STIM2: variants seen among roughly 807,000 people sequenced by gnomAD.
STIM2 encodes the protein stromal interaction molecule 2.
In STIM2, 31 loss-of-function variants were observed where a neutral mutation model predicts 85.8. That is an observed-to-expected ratio of 0.36 (90% CI 0.27 to 0.49). The LOEUF is 0.49. STIM2 is among the 20% of genes least tolerant of loss of function. The pLI is 0.98. For missense variants in STIM2, 841 were observed against 927.6 expected (o/e 0.91, Z 1.21); for synonymous variants, 356 against 331.1 (o/e 1.08, Z -0.82).
intron 11 of STIM2, among the ~76,000 whole-genome samples, chr4:27,022,017 C>T (rs1346338087): frequency 6.6e-6 from 1 of 152,064 alleles, no homozygotes; most frequent in African/African-American, 2.4e-5. Context: ...TTCCCTGCCC[C>T]CCTTTTAAAT....
At position 26,957,746 on chromosome 4, in the gene STIM2, C is replaced by A; in HGVS notation, c.397+20C>A. On this transcript the variant is annotated intron_variant, in intron 3 of 11. Transcript: ENST00000467087. ...CAGAAGGTAAGACTGCCTTTGTGATCTGGCCCCCTCCCCTTCTGCACATCT... is the reference window on the plus strand; with the variant it reads ...CAGAAGGTAAGACTGCCTTTGTGATATGGCCCCCTCCCCTTCTGCACATCT... 6.8e-7 allele frequency: 1 copy of A among 1,479,786 alleles called. No homozygotes were observed. The highest frequency in any genetic ancestry group is 1.2e-5 in the South Asian group (1 of 83,388). The allele number at this position is 1,479,786 out of a possible 1,614,324, so 91.7% of individuals were successfully genotyped here.
chr4:26,965,800 G>T (rs2109100084), intron 3 of STIM2, among the ~76,000 whole-genome samples: 1 of 152,142 alleles, frequency 6.6e-6, no homozygotes, highest in South Asian at 2.1e-4. Flanking sequence ...TACATAGATT[G>T]TTCTTGGTTT....
At chr4:27,013,096 C>T (rs1208565580) in intron 10 of STIM2, among the ~76,000 whole-genome samples, 1 of 151,830 alleles carries the variant, frequency 6.6e-6, no homozygotes, top group Non-Finnish European at 1.5e-5. Context: ...CTGACACTAT[C>T]TTAGATTTTG....
intron 2 of STIM2, among the ~76,000 whole-genome samples, chr4:26,945,103 C>A (rs180873975): frequency 1.3e-5 from 2 of 152,170 alleles, no homozygotes; most frequent in Admixed American, 6.5e-5. Context: ...TTTTACCCCC[C>A]ACCCTCTGGG....
intron 3 of STIM2, among the ~76,000 whole-genome samples, chr4:26,991,931 G>T (rs1303937020): frequency 6.6e-6 from 1 of 152,056 alleles, no homozygotes; most frequent in Admixed American, 6.6e-5. Flanking sequence ...CATTTCTGTA[G>T]CTCTGCAGAT....
intron 1 of STIM2, among the ~76,000 whole-genome samples, chr4:26,868,187 C>A (rs1331242485): frequency 1.3e-5 from 2 of 152,228 alleles, no homozygotes; most frequent in African/African-American, 4.8e-5. Flanking sequence ...CTCCAGTACA[C>A]ACAGGCTGAT....
chr4:26,904,297 T>C (rs1016637137), intron 1 of STIM2, among the ~76,000 whole-genome samples: 4 of 152,130 alleles, frequency 2.6e-5, no homozygotes, highest in African/African-American at 9.7e-5. Flanking sequence ...AATAAATGAT[T>C]CATACTTAAA....
intron 2 of STIM2, among the ~76,000 whole-genome samples, chr4:26,949,744 G>T (rs540123833): frequency 6.6e-6 from 1 of 152,196 alleles, no homozygotes; most frequent in Admixed American, 6.5e-5. Flanking sequence ...AGTTTAATGT[G>T]TAAATATTGT....
chr4:26,968,709 G>A (rs1350880703), intron 3 of STIM2, among the ~76,000 whole-genome samples: 1 of 152,160 alleles, frequency 6.6e-6, no homozygotes, highest in Admixed American at 6.5e-5. Flanking sequence ...CACAATGAAG[G>A]ATTTAAGAGA....
At chr4:26,864,255 C>T (rs1722315591) in intron 1 of STIM2, among the ~76,000 whole-genome samples, 1 of 151,942 alleles carries the variant, frequency 6.6e-6, no homozygotes. Flanking sequence ...ACATATACAG[C>T]GCTTATATAT....
chr4:27,021,543 G>A (rs1357062960), intron 11 of STIM2: 3 of 456,714 alleles, frequency 6.6e-6, no homozygotes, highest in Non-Finnish European at 1.3e-5. Flanking sequence ...ACATGTACAC[G>A]GCCTGGTACG....
rs747690407 is a variant in STIM2 at position 27,002,907 on chromosome 4, T to A, written c.804-20T>A. 2 of 1,483,354 alleles carry A rather than the reference T, an allele frequency of 1.3e-6. No individual in the cohort carries two copies. Among genetic ancestry groups the A allele is most frequent in the East Asian group, 2.6e-5 (1 of 38,726 alleles). The allele number at this position is 1,483,354 out of a possible 1,614,324, so 91.9% of individuals were successfully genotyped here. A position where few individuals can be genotyped will look rare whatever the true frequency, so the allele number is the denominator to read the frequency against. ...ACTGGAAATTTTTGTGAGGAATTTT[T>A]ATTTTTATTGTTCTATAAGGCTTGA... On this transcript the variant is annotated intron_variant, in intron 6 of 11. Coordinates refer to ENST00000467087, the MANE Select transcript of STIM2 (RefSeq NM_020860.4).
At chr4:26,970,821 G>C (rs1029589267) in intron 3 of STIM2, among the ~76,000 whole-genome samples, 1 of 152,164 alleles carries the variant, frequency 6.6e-6, no homozygotes, top group Non-Finnish European at 1.5e-5. Context: ...TCACCACACT[G>C]TCTTCCACAA....
At chr4:26,950,018 CTT>C (rs538806835) in intron 2 of STIM2, among the ~76,000 whole-genome samples, 106 of 152,284 alleles carry the variant, frequency 7.0e-4, no homozygotes, top group African/African-American at 2.5e-3. Context: ...CAGGTACTCA[CTT>C]AACGTGAAAG....
chr4:26,892,031 G>T (rs887384549), intron 1 of STIM2, among the ~76,000 whole-genome samples: 3 of 152,162 alleles, frequency 2.0e-5, no homozygotes, highest in Non-Finnish European at 4.4e-5. Context: ...TTTAAAATGG[G>T]AGTTTCTCTG....
intron 3 of STIM2, among the ~76,000 whole-genome samples, chr4:26,986,447 T>A (rs1218310468): frequency 6.6e-6 from 1 of 152,228 alleles, no homozygotes; most frequent in Non-Finnish European, 1.5e-5. Flanking sequence ...TAGGCTGTTT[T>A]GTATTTTTAG....
chr4:26,887,183 C>CTTTTTTT (rs34736602), intron 1 of STIM2, among the ~76,000 whole-genome samples: 13 of 70,952 alleles, frequency 1.8e-4, no homozygotes, highest in Non-Finnish European at 2.3e-4. Context: ...AATAATTAAA[C>CTTTTTTT]TTTTTTTTTT....
At chr4:26,885,824 TATATATATATATATATATATATATATA>T (rs1723199756) in intron 1 of STIM2, among the ~76,000 whole-genome samples, 2 of 10,116 alleles carry the variant, frequency 2.0e-4, no homozygotes, top group South Asian at 2.5e-3. Flanking sequence ...CCTCAGGTTA[TATATATATATATATATATATATATATA>T]TATATATATA....
intron 2 of STIM2, among the ~76,000 whole-genome samples, chr4:26,949,114 A>G (rs192260312): frequency 1.1e-4 from 17 of 152,200 alleles, no homozygotes; most frequent in Admixed American, 6.5e-4. Flanking sequence ...TTTTGTTTAG[A>G]TAGTCTCTTA....
Sources: allele counts gnomAD v4.1 joint callset (sites outside exome capture counted in the v4.1 genomes callset), GRCh38; gene constraint gnomAD v4.1.1; transcripts MANE v1.5; gene names NCBI Gene and HGNC (gene_info 2026-07-23, HGNC 2026-07-21).